The following CCSER1 variants were observed in gnomAD, a reference collection of about 807,000 sequenced individuals.
CCSER1 encodes the protein serine-rich coiled-coil domain-containing protein 1.
Under a neutral mutation model 82.0 loss-of-function variants are expected in CCSER1, and 41 were observed. The ratio of observed to expected loss-of-function variants is 0.50; its 90% CI spans 0.39 to 0.65. CCSER1 has a LOEUF of 0.65. CCSER1 is among the 30% of genes least tolerant of loss of function. CCSER1 has a pLI of 0.00. For synonymous variants in CCSER1, 414 were observed against 383.9 expected (o/e 1.08, Z -0.92); for missense variants, 1,119 against 1,064.2 (o/e 1.05, Z -0.72).
chr4:91,549,991 C>A (rs1288445237), intron 10 of CCSER1, among the ~76,000 whole-genome samples: 1 of 151,302 alleles, frequency 6.6e-6, no homozygotes, highest in African/African-American at 2.4e-5. Context: ...TGGTATTTCT[C>A]TTTACCCATG....
At chr4:90,721,207 C>T (rs962973378) in intron 6 of CCSER1, among the ~76,000 whole-genome samples, 1 of 151,784 alleles carries the variant, frequency 6.6e-6, no homozygotes, top group Non-Finnish European at 1.5e-5. Context: ...TGCAAAATAA[C>T]ATTTTAATGG....
intron 9 of CCSER1, among the ~76,000 whole-genome samples, chr4:91,027,214 A>G (rs1233941255): frequency 1.3e-5 from 2 of 152,078 alleles, no homozygotes; most frequent in African/African-American, 4.8e-5. Flanking sequence ...AGATAGTTAT[A>G]CTGAAAATAT....
intron 4 of CCSER1, among the ~76,000 whole-genome samples, chr4:90,415,547 T>A (rs558908754): frequency 6.6e-6 from 1 of 152,316 alleles, no homozygotes; most frequent in Non-Finnish European, 1.5e-5. Context: ...TCCTGATGAA[T>A]CCTCTGAAAT....
chr4:90,348,846 C>T (rs1742900482), intron 3 of CCSER1, among the ~76,000 whole-genome samples: 1 of 152,096 alleles, frequency 6.6e-6, no homozygotes, highest in African/African-American at 2.4e-5. Flanking sequence ...CGGTCTTAAA[C>T]GTTGTTGTGA....
intron 8 of CCSER1, among the ~76,000 whole-genome samples, chr4:90,827,143 G>T (rs1482797135): frequency 1.3e-5 from 2 of 152,176 alleles, no homozygotes; most frequent in Non-Finnish European, 2.9e-5. Context: ...TAAAAGCAAG[G>T]GGAGGAATAT....
chr4:91,273,064 C>G (rs967152461), intron 10 of CCSER1, among the ~76,000 whole-genome samples: 5 of 151,792 alleles, frequency 3.3e-5, no homozygotes, highest in Non-Finnish European at 7.4e-5. Flanking sequence ...CTTAGTCTTG[C>G]TTTGGCTATG....
In CCSER1 at chr4:90,717,726, T is replaced by TTA. The variant is rs10536500; in HGVS notation, c.1933-6175_1933-6174dup. The stretch of plus-strand genomic sequence containing the variant: ...TCTACCCACTAATATGTATGTGTGT[T>TTA]TATATATATATATACACATATATAT... On this transcript the variant is annotated intron_variant, in intron 6 of 10. Transcript: ENST00000509176. Among the ~76,000 whole-genome samples the TTA allele has an allele frequency of 9.6e-4, 141 of 147,386 alleles. 1 individual carries two copies. Among genetic ancestry groups the TTA allele is most frequent in the Non-Finnish European group, 1.5e-3 (98 of 67,294 alleles).
At position 90,143,682 on chromosome 4, in the gene CCSER1, T is replaced by G. The variant is rs1394648721; in HGVS notation, c.-42+15851T>G. On this transcript the variant is annotated intron_variant, in intron 1 of 10. Transcript: ENST00000509176. ...ATCAATTATTTTACTTCTCCATTCC[T>G]ACTTTTTTTTTTTTTTTTCTGAGAT... Among the ~76,000 whole-genome samples, 3 of 144,194 alleles carry G rather than the reference T, an allele frequency of 2.1e-5. No homozygotes were observed. In the Admixed American group the frequency reaches 2.1e-4, roughly 10 times the overall value. The allele number at this position is 144,194 out of a possible 152,430, so 94.6% of individuals were successfully genotyped here.
At chr4:91,567,441 A>C (rs1578809120) in intron 10 of CCSER1, among the ~76,000 whole-genome samples, 3 of 131,672 alleles carry the variant, frequency 2.3e-5, no homozygotes, top group South Asian at 2.3e-4. Flanking sequence ...ATGTTTATTA[A>C]ATTTTCTGCT....
chr4:91,059,900 A>C (rs909318375), intron 9 of CCSER1, among the ~76,000 whole-genome samples: 5 of 152,078 alleles, frequency 3.3e-5, no homozygotes, highest in African/African-American at 1.2e-4. Flanking sequence ...CATTAGTCTG[A>C]GTAGTGACAG....
At chr4:90,923,580 C>T (rs1022237635) in intron 9 of CCSER1, 133 bp downstream of exon 9, 1 of 598,622 alleles carries the variant, frequency 1.7e-6, no homozygotes. Context: ...ATCTTTTGCT[C>T]TTAAACAATC....
intron 9 of CCSER1, among the ~76,000 whole-genome samples, chr4:90,932,862 G>A (rs1418442217): frequency 9.2e-6 from 1 of 108,160 alleles, no homozygotes; most frequent in African/African-American, 3.9e-5. Context: ...ATGTTGTTCC[G>A]TCTCAAGAAA....
intron 10 of CCSER1, among the ~76,000 whole-genome samples, chr4:91,580,513 T>C (rs970133407): frequency 1.3e-5 from 2 of 151,788 alleles, no homozygotes; most frequent in Non-Finnish European, 2.9e-5. Context: ...AAAATTGACC[T>C]GTAATATACC....
chr4:91,098,758 G>T (rs949133746), intron 10 of CCSER1, among the ~76,000 whole-genome samples: 1 of 152,036 alleles, frequency 6.6e-6, no homozygotes, highest in East Asian at 1.9e-4. Context: ...AGCCAGGGTG[G>T]TCTGGATCTC....
intron 10 of CCSER1, among the ~76,000 whole-genome samples, chr4:91,494,404 A>G (rs1398504514): frequency 6.6e-6 from 1 of 151,834 alleles, no homozygotes; most frequent in Non-Finnish European, 1.5e-5. Context: ...GATGTAATAC[A>G]CACGTAGTTT....
chr4:90,562,856 A>G (rs1008251260), intron 5 of CCSER1, among the ~76,000 whole-genome samples: 4 of 150,884 alleles, frequency 2.7e-5, no homozygotes, highest in Non-Finnish European at 1.5e-5. Flanking sequence ...TTTTTTTAAA[A>G]AAAAAAAAAA....
At chr4:90,291,871 T>C (rs1018911362) in intron 1 of CCSER1, among the ~76,000 whole-genome samples, 27 of 151,934 alleles carry the variant, frequency 1.8e-4, no homozygotes, top group African/African-American at 6.3e-4. Context: ...TCTCCATAAC[T>C]TGAAACAATT....
In CCSER1 at chr4:90,822,701, C is replaced by A. The variant is rs1301532977; in HGVS notation, c.2094+6856C>A. 2.1e-5 allele frequency among the ~76,000 whole-genome samples: 3 copies of A among 143,052 alleles called. No homozygotes were observed. The East Asian group carries it at 6.1e-4, about 29-fold the overall frequency. The allele number at this position is 143,052 out of a possible 152,430, so 93.8% of individuals were successfully genotyped here. On this transcript the variant is annotated intron_variant, in intron 8 of 10. Coordinates refer to ENST00000509176, the MANE Select transcript of CCSER1 (RefSeq NM_001145065.2). Reference sequence around the variant, plus strand: ...TGATAACGTGCCATTGCACTCCAGCCTGGGGGACAGAGTGAGACTCCATCT... The same window carrying A: ...TGATAACGTGCCATTGCACTCCAGCATGGGGGACAGAGTGAGACTCCATCT...
In CCSER1 at chr4:90,949,889, G is replaced by T. The variant is rs11727378; in HGVS notation, c.2172+26442G>T. ...GACTCTAGAATTATCCCTACTGTAC[G>T]GATGAACATATAGAGGCCTAAAAAG... On this transcript the variant is annotated intron_variant, in intron 9 of 10. Coordinates refer to ENST00000509176, the MANE Select transcript of CCSER1 (RefSeq NM_001145065.2). Among the ~76,000 whole-genome samples, 1,451 of 151,994 alleles carry T rather than the reference G, an allele frequency of 9.5e-3. 30 individuals are homozygous for T. Among genetic ancestry groups the T allele is most frequent in the African/African-American group, 0.033 (1,363 of 41,474 alleles).
Sources: gnomAD v4.1 joint callset for allele counts (sites outside exome capture counted in the v4.1 genomes callset) on GRCh38, gnomAD v4.1.1 for gene constraint, MANE v1.5 for transcripts, NCBI Gene and HGNC (gene_info 2026-07-23, HGNC 2026-07-21) for gene names.